MAF: variants seen among roughly 807,000 people sequenced by gnomAD.
The protein encoded by MAF is transcription factor Maf.
MAF carries 10 observed loss-of-function variants against 22.0 expected under a neutral mutation model. The observed-to-expected ratio is 0.45, with a 90% CI of 0.28 to 0.77. The LOEUF is 0.77. Among genes scored for constraint, MAF ranks in the 30% least tolerant of loss-of-function variants. MAF has a pLI of 0.12. For missense variants in MAF, 544 were observed against 548.4 expected (o/e 0.99, Z 0.08); for synonymous variants, 337 against 255.8 (o/e 1.32, Z -3.03).
chr16:79,354,029 C>A, the MAF span, among the ~76,000 whole-genome samples: 63 of 151,992 alleles, frequency 4.1e-4, no homozygotes, highest in Non-Finnish European at 5.3e-4. Flanking sequence ...GAATCTCACT[C>A]CCATCACCCA....
At chr16:79,239,727 T>A in the MAF span, among the ~76,000 whole-genome samples, 1 of 152,026 alleles carries the variant, frequency 6.6e-6, no homozygotes, top group Non-Finnish European at 1.5e-5. Flanking sequence ...CCTTCTCTGT[T>A]TTGTTTATTG....
At chr16:79,444,649 A>G in the MAF span, among the ~76,000 whole-genome samples, 1 of 152,226 alleles carries the variant, frequency 6.6e-6, no homozygotes, top group Non-Finnish European at 1.5e-5. Flanking sequence ...TTAGTGCACC[A>G]CGAGAAATGC....
At chr16:79,207,020 C>G in the MAF span, among the ~76,000 whole-genome samples, 1 of 152,148 alleles carries the variant, frequency 6.6e-6, no homozygotes, top group East Asian at 1.9e-4. Context: ...ACCGAGGTAT[C>G]TGGAGATGAC....
At chr16:79,220,115 G>C in the MAF span, among the ~76,000 whole-genome samples, 2 of 152,008 alleles carry the variant, frequency 1.3e-5, no homozygotes, top group African/African-American at 2.4e-5. Flanking sequence ...AATTAGCCGG[G>C]TGTGGTGGTG....
the MAF span, among the ~76,000 whole-genome samples, chr16:79,568,989 C>T: frequency 9.2e-5 from 14 of 152,178 alleles, no homozygotes; most frequent in African/African-American, 3.4e-4. Flanking sequence ...GTTTATGTCA[C>T]TAAATTAGTC....
chr16:79,445,236 G>T, the MAF span, among the ~76,000 whole-genome samples: 3 of 151,190 alleles, frequency 2.0e-5, no homozygotes, highest in Non-Finnish European at 2.9e-5. Flanking sequence ...GTAGAGATGG[G>T]GTTTCACCAT....
the MAF span, among the ~76,000 whole-genome samples, chr16:79,217,021 G>A: frequency 2.0e-5 from 3 of 152,164 alleles, no homozygotes; most frequent in African/African-American, 7.2e-5. Flanking sequence ...TGTTGGCCAG[G>A]CTGGTCTCGA....
At chr16:79,376,434 T>C in the MAF span, among the ~76,000 whole-genome samples, 1 of 152,180 alleles carries the variant, frequency 6.6e-6, no homozygotes, top group Non-Finnish European at 1.5e-5. Context: ...ATTCCACCCC[T>C]AGATATAAGC....
At chr16:79,369,892 T>A in the MAF span, among the ~76,000 whole-genome samples, 2 of 152,188 alleles carry the variant, frequency 1.3e-5, no homozygotes, top group African/African-American at 2.4e-5. Context: ...GGGACTGAAA[T>A]TAAACCAAAC....
At chr16:79,369,255 C>T in the MAF span, among the ~76,000 whole-genome samples, 1 of 152,112 alleles carries the variant, frequency 6.6e-6, no homozygotes, top group Admixed American at 6.6e-5. Context: ...GGGAGCCTTC[C>T]CTATGTGCTG....
chr16:79,581,469 G>A (rs1912511401), downstream of MAF, among the ~76,000 whole-genome samples: 1 of 152,110 alleles, frequency 6.6e-6, no homozygotes, highest in Non-Finnish European at 1.5e-5. Flanking sequence ...CTCTGCTGCT[G>A]GCAGCACCCA....
At chr16:79,545,365 ACAATGCAAGGTTCCTTGTT>A in the MAF span, among the ~76,000 whole-genome samples, 3 of 152,136 alleles carry the variant, frequency 2.0e-5, no homozygotes, top group Non-Finnish European at 2.9e-5. Flanking sequence ...ATGCAAAACG[ACAATGCAAGGTTCCTTGTT>A]CAAAAAGTAT....
At chr16:79,453,437 C>A in the MAF span, among the ~76,000 whole-genome samples, 2 of 152,180 alleles carry the variant, frequency 1.3e-5, no homozygotes, top group African/African-American at 4.8e-5. Context: ...GATAAAGGAC[C>A]ATTCTGCCAT....
chr16:79,439,363 G>C, the MAF span, among the ~76,000 whole-genome samples: 4 of 148,210 alleles, frequency 2.7e-5, no homozygotes, highest in African/African-American at 7.5e-5. Context: ...CCGGGTTCAT[G>C]CCGTTCTCCT....
At chr16:79,468,784 A>G in the MAF span, among the ~76,000 whole-genome samples, 2 of 152,178 alleles carry the variant, frequency 1.3e-5, no homozygotes, top group Non-Finnish European at 2.9e-5. Context: ...AAGAAACCAG[A>G]GAAGCCAGAG....
chr16:79,478,631 T>G, the MAF span, among the ~76,000 whole-genome samples: 10 of 152,178 alleles, frequency 6.6e-5, no homozygotes, highest in Admixed American at 6.5e-4. Flanking sequence ...TATCCCCGTG[T>G]GTCATTCCAG....
chr16:79,563,065 T>C, the MAF span, among the ~76,000 whole-genome samples: 1 of 152,164 alleles, frequency 6.6e-6, no homozygotes, highest in East Asian at 1.9e-4. Flanking sequence ...AGGCTTGCAC[T>C]AGGTGGTTAT....
At chr16:79,421,638 A>ATTTTTT in the MAF span, among the ~76,000 whole-genome samples, 1 of 144,784 alleles carries the variant, frequency 6.9e-6, no homozygotes. Context: ...AAGAAAAGTG[A>ATTTTTT]TTTTTTTTTT....
chr16:79,334,818 T>A, the MAF span, among the ~76,000 whole-genome samples: 5 of 151,432 alleles, frequency 3.3e-5, no homozygotes, highest in African/African-American at 1.2e-4. Context: ...AGGGCAAATT[T>A]GGCAGTTATA....
Sources: gnomAD v4.1 joint callset for allele counts (sites outside exome capture counted in the v4.1 genomes callset) on GRCh38, gnomAD v4.1.1 for gene constraint, MANE v1.5 for transcripts, NCBI Gene and HGNC (gene_info 2026-07-23, HGNC 2026-07-21) for gene names.